PTPRN2: variants seen among roughly 807,000 people sequenced by gnomAD.
PTPRN2 encodes the protein receptor-type tyrosine-protein phosphatase N2.
In PTPRN2, 74 loss-of-function variants were observed where a neutral mutation model predicts 118.8. The ratio of observed to expected loss-of-function variants is 0.62; its 90% CI spans 0.52 to 0.76. The LOEUF is 0.76. Ranked by LOEUF, PTPRN2 falls within the 30% of genes least tolerant of loss-of-function variation. The pLI is 0.00. For missense variants in PTPRN2, 1,481 were observed against 1,394.4 expected (o/e 1.06, Z -0.99); for synonymous variants, 641 against 608.0 (o/e 1.05, Z -0.80).
chr7:158,431,453 C>CATG (rs1563285342), intron 2 of PTPRN2, among the ~76,000 whole-genome samples: 8 of 50,928 alleles, frequency 1.6e-4, no homozygotes, highest in East Asian at 5.7e-4. Flanking sequence ...CACTGCCTCA[C>CATG]ACGACACACA....
At chr7:158,056,263 T>C (rs1269936236) in intron 11 of PTPRN2, among the ~76,000 whole-genome samples, 1 of 152,174 alleles carries the variant, frequency 6.6e-6, no homozygotes, top group Non-Finnish European at 1.5e-5. Context: ...ATGGATGCCC[T>C]GAGCCATCAC....
At chr7:157,842,333 T>TG (rs1192872025) in intron 12 of PTPRN2, among the ~76,000 whole-genome samples, 1 of 149,980 alleles carries the variant, frequency 6.7e-6, no homozygotes, top group Non-Finnish European at 1.5e-5. Flanking sequence ...TTATTTTCCC[T>TG]GGGGGAAGGG....
chr7:158,421,795 A>G, intron 2 of PTPRN2, among the ~76,000 whole-genome samples: 1 of 152,358 alleles, frequency 6.6e-6, no homozygotes, highest in East Asian at 1.9e-4. Context: ...AACTGAAATT[A>G]AAAAGTTTTA....
chr7:158,210,677 T>C (rs1020294739), intron 3 of PTPRN2, among the ~76,000 whole-genome samples: 2 of 152,262 alleles, frequency 1.3e-5, no homozygotes, highest in Non-Finnish European at 2.9e-5. Flanking sequence ...CATTAGAGGC[T>C]ACTATGAGCA....
At chr7:158,512,771 G>T (rs1165094705) in intron 1 of PTPRN2, among the ~76,000 whole-genome samples, 1 of 152,190 alleles carries the variant, frequency 6.6e-6, no homozygotes, top group Admixed American at 6.5e-5. Context: ...TGTAGTGTCA[G>T]AAAGGAAGGA....
intron 3 of PTPRN2, among the ~76,000 whole-genome samples, chr7:158,264,818 T>C (rs902348710): frequency 2.0e-5 from 3 of 152,194 alleles, no homozygotes; most frequent in African/African-American, 7.2e-5. Flanking sequence ...AGAACAGCGA[T>C]GCTGCTTCTC....
chr7:157,659,305 C>A (rs1278204482), intron 13 of PTPRN2, among the ~76,000 whole-genome samples: 1 of 81,366 alleles, frequency 1.2e-5, no homozygotes, highest in Admixed American at 1.6e-4. Context: ...ACTGCGGGGA[C>A]GGGGGGGGAT....
chr7:157,942,098 A>C (rs1464938280), intron 11 of PTPRN2, among the ~76,000 whole-genome samples: 2 of 142,994 alleles, frequency 1.4e-5, no homozygotes, highest in East Asian at 4.2e-4. Flanking sequence ...TCCTTGGCCT[A>C]CCCTCCACAC....
At chr7:157,950,866 T>C (rs1156578018) in intron 11 of PTPRN2, among the ~76,000 whole-genome samples, 1 of 152,216 alleles carries the variant, frequency 6.6e-6, no homozygotes, top group Non-Finnish European at 1.5e-5. Flanking sequence ...GGTGCAGATG[T>C]GTTGGGCAGA....
In PTPRN2 at chr7:157,784,914, G is replaced by A. The variant is rs940855000; in HGVS notation, c.1789-101977C>T. On this transcript the variant is annotated intron_variant, in intron 12 of 22. Coordinates refer to ENST00000389418, the MANE Select transcript of PTPRN2 (RefSeq NM_002847.5). This position sits in a 1 kb window ranked among gnomAD's most constrained non-coding sequence, Gnocchi z 4.6. ...ATGGGTGGGCAGCTGTTTCTCTGAG[G>A]AAACGCGCCCCTCCCCAGTGGCCAG... is the stretch of plus-strand genomic sequence containing the variant. 5.9e-5 allele frequency among the ~76,000 whole-genome samples: 9 copies of A among 152,158 alleles called. No individual in the cohort carries two copies. Among genetic ancestry groups the A allele is most frequent in the Admixed American group, 6.5e-5 (1 of 15,286 alleles).
At chr7:158,333,806 G>C (rs1322859641) in intron 2 of PTPRN2, among the ~76,000 whole-genome samples, 14 of 126,516 alleles carry the variant, frequency 1.1e-4, no homozygotes, top group Admixed American at 1.7e-4. Context: ...TAAGAGCTGA[G>C]GCCCACAGAG....
At chr7:158,477,784 C>T (rs1172169971) in intron 2 of PTPRN2, among the ~76,000 whole-genome samples, 1 of 152,226 alleles carries the variant, frequency 6.6e-6, no homozygotes, top group Non-Finnish European at 1.5e-5. Context: ...GGTTTTCAGC[C>T]TGGCCTGGGA....
chr7:158,562,743 C>G (rs1157648112), intron 1 of PTPRN2, among the ~76,000 whole-genome samples: 3 of 152,130 alleles, frequency 2.0e-5, no homozygotes, highest in Non-Finnish European at 2.9e-5. Context: ...AGGCAAAGCT[C>G]TTGGAAGACC....
chr7:157,983,454 T>C (rs1456911102), intron 11 of PTPRN2, among the ~76,000 whole-genome samples: 2 of 143,580 alleles, frequency 1.4e-5, no homozygotes, highest in South Asian at 4.5e-4. Flanking sequence ...GAGTGCGGGG[T>C]CTCCCCCAAA....
intron 2 of PTPRN2, among the ~76,000 whole-genome samples, chr7:158,327,188 TTC>T (rs1463109437): frequency 1.3e-5 from 2 of 149,554 alleles, no homozygotes; most frequent in African/African-American, 5.0e-5. Flanking sequence ...CATGCTCACA[TTC>T]TCACACATGC....
intron 2 of PTPRN2, among the ~76,000 whole-genome samples, chr7:158,363,740 G>C (rs1050790106): frequency 5.9e-5 from 9 of 152,204 alleles, no homozygotes; most frequent in Admixed American, 1.3e-4. Context: ...GTCGGGAGGG[G>C]GCGGGGCACG....
chr7:157,815,442 C>T (rs2151126936), intron 12 of PTPRN2, among the ~76,000 whole-genome samples: 1 of 152,352 alleles, frequency 6.6e-6, no homozygotes, highest in African/African-American at 2.4e-5. Context: ...TGTAGAGCCA[C>T]TTAGAGAAGC....
At chr7:157,769,932 G>A (rs1004498175) in intron 12 of PTPRN2, among the ~76,000 whole-genome samples, 2 of 152,210 alleles carry the variant, frequency 1.3e-5, no homozygotes, top group African/African-American at 4.8e-5. Flanking sequence ...ATGTGGGGCT[G>A]TGGCCTCTGG....
chr7:158,208,973 T>C (rs1225445914), intron 3 of PTPRN2, among the ~76,000 whole-genome samples: 3 of 152,174 alleles, frequency 2.0e-5, no homozygotes, highest in African/African-American at 7.2e-5. Context: ...AATGTTAAGT[T>C]GTCATCCGTT....
Sources: allele counts gnomAD v4.1 joint callset (sites outside exome capture counted in the v4.1 genomes callset), GRCh38; gene constraint gnomAD v4.1.1; non-coding constraint Gnocchi (gnomAD v3.1); transcripts MANE v1.5; gene names NCBI Gene and HGNC (gene_info 2026-07-23, HGNC 2026-07-21).